Variants in CD274 observed in about 807,000 individuals in gnomAD.
CD274 encodes programmed cell death 1 ligand 1.
Under a neutral mutation model 30.1 loss-of-function variants are expected in CD274, and 8 were observed. The ratio of observed to expected loss-of-function variants is 0.27; its 90% CI spans 0.16 to 0.48. The LOEUF (loss-of-function observed/expected upper bound fraction) is 0.48. Among genes scored for constraint, CD274 ranks in the 20% least tolerant of loss-of-function variants. CD274 has a pLI of 0.99. For synonymous variants in CD274, 152 were observed against 124.6 expected (o/e 1.22, Z -1.46); for missense variants, 353 against 346.6 (o/e 1.02, Z -0.15).
chr9:5,453,738 A>C (rs981545022), intron 1 of CD274, among the ~76,000 whole-genome samples: 1 of 152,226 alleles, frequency 6.6e-6, no homozygotes, highest in African/African-American at 2.4e-5. Flanking sequence ...AAAGATATAC[A>C]CTGAAATGTT....
intron 1 of CD274, among the ~76,000 whole-genome samples, chr9:5,450,808 T>TC (rs1361971156): frequency 6.6e-6 from 1 of 152,238 alleles, no homozygotes; most frequent in Admixed American, 6.5e-5. Context: ...CAGGCGCGAT[T>TC]CAGTTTTGCT....
chr9:5,466,380 A>G (rs1018416957), intron 5 of CD274, among the ~76,000 whole-genome samples: 3 of 152,214 alleles, frequency 2.0e-5, no homozygotes, highest in Admixed American at 6.5e-5. Context: ...TCAAGTTTCA[A>G]TGACAGTAAG....
At chr9:5,454,758 A>G (rs1048618475) in intron 1 of CD274, among the ~76,000 whole-genome samples, 4 of 152,164 alleles carry the variant, frequency 2.6e-5, no homozygotes, top group African/African-American at 9.7e-5. Flanking sequence ...CTAAAGAAAA[A>G]AATCCTCCCA....
At position 5,462,927 on chromosome 9, in the gene CD274, C is replaced by G. The variant is rs2131223410; in HGVS notation, c.488C>G (p.Ala163Gly). ...TGTCAGGCTGAGGGCTACCCCAAGG[C>G]CGAAGTCATCTGGACAAGCAGTGAC... ...LTCQAEGYPK[A>G]EVIWTSSDHQ... The change falls in exon 4 of 7, where the codon GCC (alanine) becomes GGC (glycine). Residue 163 changes from alanine to glycine, a missense_variant. By Grantham distance (60) the Ala-to-Gly change is moderately conservative. Transcript: ENST00000381577. 1 of 1,614,056 alleles carries G rather than the reference C, an allele frequency of 6.2e-7. No individual in the cohort carries two copies. The highest frequency in any genetic ancestry group is 8.5e-7 in the Non-Finnish European group (1 of 1,179,948).
intron 1 of CD274, among the ~76,000 whole-genome samples, chr9:5,455,632 C>T (rs4742097): frequency 0.54 from 82,105 of 151,924 alleles, 22,744 homozygotes; most frequent in East Asian, 0.92. Context: ...GAAGTGGAAG[C>T]CTTGAATAGC....
chr9:5,459,159 C>G (rs912410257), intron 3 of CD274, among the ~76,000 whole-genome samples: 1 of 152,158 alleles, frequency 6.6e-6, no homozygotes, highest in Non-Finnish European at 1.5e-5. Context: ...TCTTCCGGCA[C>G]TGATGGTTTT....
At chr9:5,455,303 T>A (rs1349733252) in intron 1 of CD274, among the ~76,000 whole-genome samples, 2 of 152,170 alleles carry the variant, frequency 1.3e-5, no homozygotes, top group African/African-American at 4.8e-5. Flanking sequence ...ACTTCCGTAT[T>A]CCTCATGCTT....
At chr9:5,459,534 T>C (rs556927943) in intron 3 of CD274, among the ~76,000 whole-genome samples, 4 of 152,296 alleles carry the variant, frequency 2.6e-5, no homozygotes, top group South Asian at 2.1e-4. Flanking sequence ...AGCAAATGTG[T>C]GGTAACATAG....
chr9:5,452,589 G>A (rs1819227432), intron 1 of CD274, among the ~76,000 whole-genome samples: 2 of 152,208 alleles, frequency 1.3e-5, no homozygotes, highest in African/African-American at 4.8e-5. Context: ...AGGTTTAGAG[G>A]TTAAAGAACA....
chr9:5,461,117 G>C (rs543609829), intron 3 of CD274, among the ~76,000 whole-genome samples: 13 of 152,220 alleles, frequency 8.5e-5, no homozygotes, highest in Non-Finnish European at 1.5e-4. Context: ...CATTAACAAA[G>C]GTGGATGGTG....
chr9:5,458,893 T>C (rs1203125083), intron 3 of CD274, among the ~76,000 whole-genome samples: 1 of 152,166 alleles, frequency 6.6e-6, no homozygotes, highest in Non-Finnish European at 1.5e-5. Flanking sequence ...AAAGAAATCA[T>C]CATGACTTAG....
At position 5,467,921 on chromosome 9, in the gene CD274, C is replaced by T. The variant is rs533751835; in HGVS notation, c.*59C>T. ...ATTCTCAACCTGTGGTTTAGGGGTT[C>T]ATCGGGGCTGAGCGTGACAAGAGGA... On this transcript the variant is annotated 3_prime_UTR_variant, in exon 7 of 7. Transcript: ENST00000381577. 192 of 1,453,942 alleles carry T rather than the reference C, an allele frequency of 1.3e-4. No individual in the cohort carries two copies. The highest frequency in any genetic ancestry group is 1.7e-4 in the Non-Finnish European group (174 of 1,033,958). The allele number at this position is 1,453,942 out of a possible 1,614,324, so 90.1% of individuals were successfully genotyped here. A position where few individuals can be genotyped will look rare whatever the true frequency, so the allele number is the denominator to read the frequency against.
At chr9:5,465,470 GT>G (rs759252442) in intron 4 of CD274, 28 bp from the exon 5 acceptor site, 1 of 1,320,132 alleles carries the variant, frequency 7.6e-7, no homozygotes, top group South Asian at 1.2e-5. Context: ...TCTTTAGTCA[GT>G]TTGTTTTCGT....
chr9:5,454,285 T>G (rs1819261265), intron 1 of CD274, among the ~76,000 whole-genome samples: 1 of 152,176 alleles, frequency 6.6e-6, no homozygotes, highest in African/African-American at 2.4e-5. Context: ...TTTTTCTGTC[T>G]TTTCCTTCCT....
intron 3 of CD274, among the ~76,000 whole-genome samples, chr9:5,460,835 G>C (rs908548480): frequency 4.6e-5 from 7 of 152,086 alleles, no homozygotes; most frequent in African/African-American, 1.2e-4. Context: ...TCGTGTGTTT[G>C]TGCATGCACA....
Position 5,463,011 on chromosome 9 carries a change from T to C in CD274, c.572T>C (p.Phe191Ser). 6.2e-7 allele frequency: 1 copy of C among 1,614,086 alleles called. No individual in the cohort carries two copies. The highest frequency in any genetic ancestry group is 8.5e-7 in the Non-Finnish European group (1 of 1,179,954). ...AATTCCAAGAGAGAGGAGAAGCTTT[T>C]CAATGTGACCAGCACACTGAGAATC... ...TTNSKREEKLFNVTSTLRINT... is the reference protein window; with the variant it reads ...TTNSKREEKLSNVTSTLRINT... Residue 191 changes from phenylalanine (F) to serine (S), a missense_variant, in exon 4 of 7, where the codon TTC becomes TCC. Coordinates refer to ENST00000381577, the MANE Select transcript of CD274 (RefSeq NM_014143.4).
At chr9:5,451,961 G>A (rs577607455) in intron 1 of CD274, among the ~76,000 whole-genome samples, 7 of 151,924 alleles carry the variant, frequency 4.6e-5, no homozygotes, top group South Asian at 2.1e-4. Flanking sequence ...GATTACTGGC[G>A]GGAGCCACCA....
chr9:5,461,407 T>A (rs1410580468), intron 3 of CD274, among the ~76,000 whole-genome samples: 1 of 152,188 alleles, frequency 6.6e-6, no homozygotes, highest in Admixed American at 6.5e-5. Flanking sequence ...TAAGAACTAT[T>A]ATTTTTGTGT....
intron 1 of CD274, among the ~76,000 whole-genome samples, chr9:5,453,962 G>A (rs1023367747): frequency 6.6e-6 from 1 of 152,196 alleles, no homozygotes; most frequent in African/African-American, 2.4e-5. Flanking sequence ...CCCTGGGTGA[G>A]AGTGATGAAA....
Sources: gnomAD v4.1 joint callset for allele counts (sites outside exome capture counted in the v4.1 genomes callset) on GRCh38, gnomAD v4.1.1 for gene constraint, MANE v1.5 for transcripts, NCBI Gene and HGNC (gene_info 2026-07-23, HGNC 2026-07-21) for gene names.